Variants in SLC44A5 observed in about 807,000 individuals in gnomAD.
The protein encoded by SLC44A5 is solute carrier family 44 member 5.
SLC44A5 carries 57 observed loss-of-function variants against 101.8 expected under a neutral mutation model. The observed-to-expected ratio is 0.56, with a 90% CI of 0.45 to 0.70. SLC44A5 has a LOEUF of 0.70. Ranked by LOEUF, SLC44A5 falls within the 30% of genes least tolerant of loss-of-function variation. SLC44A5 has a pLI of 0.00. For synonymous variants in SLC44A5, 281 were observed against 290.9 expected, an observed-to-expected ratio of 0.97 and a Z score of 0.35; for missense variants, 737 against 853.1, an observed-to-expected ratio of 0.86 and a Z score of 1.70.
intron 3 of SLC44A5, among the ~76,000 whole-genome samples, chr1:75,374,570 T>A (rs1660444347): frequency 6.6e-6 from 1 of 151,926 alleles, no homozygotes; most frequent in South Asian, 2.1e-4. Context: ...CCCATTCCCC[T>A]CCCCAGGGCA....
chr1:75,590,153 A>C (rs1674267637), intron 1 of SLC44A5, among the ~76,000 whole-genome samples: 1 of 151,822 alleles, frequency 6.6e-6, no homozygotes, highest in African/African-American at 2.4e-5. Context: ...TCTGGGCTCA[A>C]AAAGAGACCC....
chr1:75,556,230 CTA>C (rs1171284313), intron 1 of SLC44A5, among the ~76,000 whole-genome samples: 2 of 152,018 alleles, frequency 1.3e-5, no homozygotes, highest in Non-Finnish European at 2.9e-5. Context: ...CTACTGTGCC[CTA>C]TGTTTGTTTC....
intron 2 of SLC44A5, among the ~76,000 whole-genome samples, chr1:75,418,025 T>A (rs1283132193): frequency 6.6e-6 from 1 of 152,194 alleles, no homozygotes; most frequent in Non-Finnish European, 1.5e-5. Flanking sequence ...GACATTGCCT[T>A]TTGCTTTTAC....
At chr1:75,638,140 T>C in the SLC44A5 span, among the ~76,000 whole-genome samples, 1 of 151,980 alleles carries the variant, frequency 6.6e-6, no homozygotes, top group African/African-American at 2.4e-5. Context: ...ATGCAGTAAA[T>C]ATGATACAAA....
At chr1:75,241,683 A>G (rs568237055) in intron 9 of SLC44A5, among the ~76,000 whole-genome samples, 1 of 152,234 alleles carries the variant, frequency 6.6e-6, no homozygotes, top group East Asian at 1.9e-4. Flanking sequence ...GAGTGGGTGT[A>G]TATGAGCATA....
At chr1:75,453,552 AAATTGAGACCC>A (rs1666019274) in intron 2 of SLC44A5, among the ~76,000 whole-genome samples, 1 of 152,150 alleles carries the variant, frequency 6.6e-6, no homozygotes, top group Non-Finnish European at 1.5e-5. Flanking sequence ...TAACTAATTG[AAATTGAGACCC>A]AATTGAGACC....
chr1:75,655,537 C>T, the SLC44A5 span, among the ~76,000 whole-genome samples: 15 of 152,288 alleles, frequency 9.8e-5, no homozygotes, highest in Non-Finnish European at 1.9e-4. Flanking sequence ...CTACACTGAT[C>T]TTAGAATCTG....
intron 5 of SLC44A5, among the ~76,000 whole-genome samples, chr1:75,291,238 A>T (rs1653518283): frequency 6.6e-6 from 1 of 152,118 alleles, no homozygotes; most frequent in Non-Finnish European, 1.5e-5. Flanking sequence ...TAGGTTTTTC[A>T]TTTTCATTTT....
chr1:75,441,467 TA>T (rs1287554813), intron 2 of SLC44A5, among the ~76,000 whole-genome samples: 1 of 135,072 alleles, frequency 7.4e-6, no homozygotes, highest in Non-Finnish European at 1.6e-5. Flanking sequence ...ACACTCAAAA[TA>T]AAAAGCAAGA....
chr1:75,622,982 ATT>A, the SLC44A5 span, among the ~76,000 whole-genome samples: 1 of 152,014 alleles, frequency 6.6e-6, no homozygotes, highest in Non-Finnish European at 1.5e-5. Flanking sequence ...ACCAAATTGT[ATT>A]TTTCCTTGTC....
chr1:75,512,223 A>AT (rs747455336), intron 2 of SLC44A5, among the ~76,000 whole-genome samples: 1 of 152,196 alleles, frequency 6.6e-6, no homozygotes, highest in Non-Finnish European at 1.5e-5. Context: ...TTACAAGCAG[A>AT]TTTTCAACAT....
intron 2 of SLC44A5, among the ~76,000 whole-genome samples, chr1:75,412,883 T>C (rs925005261): frequency 3.9e-5 from 6 of 152,148 alleles, no homozygotes; most frequent in African/African-American, 1.2e-4. Context: ...GATACTGCCA[T>C]GGCTCAATGA....
chr1:75,210,390 A>T (rs1291740019), intron 23 of SLC44A5, among the ~76,000 whole-genome samples: 6 of 152,160 alleles, frequency 3.9e-5, no homozygotes, highest in Non-Finnish European at 8.8e-5. Context: ...TGTGTATGGG[A>T]GTTGCATATG....
chr1:75,375,962 G>A (rs1333940914), intron 3 of SLC44A5, among the ~76,000 whole-genome samples: 10 of 152,282 alleles, frequency 6.6e-5, no homozygotes, highest in Middle Eastern at 3.4e-3. Flanking sequence ...GGCAGTGGGC[G>A]CAGGTCAGTG....
At chr1:75,681,382 A>G in the SLC44A5 span, among the ~76,000 whole-genome samples, 11 of 152,132 alleles carry the variant, frequency 7.2e-5, no homozygotes, top group African/African-American at 2.4e-4. Flanking sequence ...AACCGAATCC[A>G]GCAGCACATC....
At chr1:75,668,104 G>A in the SLC44A5 span, among the ~76,000 whole-genome samples, 1 of 151,996 alleles carries the variant, frequency 6.6e-6, no homozygotes, top group Non-Finnish European at 1.5e-5. Context: ...CCATGTTTCT[G>A]CTAAACACAT....
chr1:75,254,908 T>C lies in SLC44A5; in HGVS notation c.261-3614A>G, dbSNP rs146612849. 4.1e-4 allele frequency among the ~76,000 whole-genome samples: 62 copies of C among 152,012 alleles called. No homozygotes were observed. In the East Asian group the frequency reaches 0.012, roughly 28 times the overall value. On this transcript the variant is annotated intron_variant, in intron 6 of 23. Transcript: ENST00000370859. ...ATAGCTGATGAGCTAAAACTAAAAT[T>C]GCAAAAAAAAATCTCATAATGTTTT...
At chr1:75,323,301 A>G (rs1209435363) in intron 4 of SLC44A5, among the ~76,000 whole-genome samples, 5 of 151,852 alleles carry the variant, frequency 3.3e-5, no homozygotes, top group Non-Finnish European at 5.9e-5. Flanking sequence ...ATAGTGTTCC[A>G]TGGTGTATAT....
intron 1 of SLC44A5, among the ~76,000 whole-genome samples, chr1:75,560,539 T>TAA (rs1672463607): frequency 1.3e-5 from 2 of 152,120 alleles, no homozygotes; most frequent in South Asian, 4.1e-4. Flanking sequence ...GTGAATATCA[T>TAA]AAAAGAAAAA....
Sources: gnomAD v4.1 joint callset for allele counts (sites outside exome capture counted in the v4.1 genomes callset) on GRCh38, gnomAD v4.1.1 for gene constraint, MANE v1.5 for transcripts, NCBI Gene and HGNC (gene_info 2026-07-23, HGNC 2026-07-21) for gene names.